Variants in CDH13 observed in about 807,000 individuals in gnomAD.
CDH13 encodes cadherin 13.
In CDH13, 24 loss-of-function variants were observed where a neutral mutation model predicts 63.8. The observed-to-expected ratio is 0.38, with a 90% CI of 0.27 to 0.53. The LOEUF is 0.53. Among genes scored for constraint, CDH13 ranks in the 20% least tolerant of loss-of-function variants. CDH13 has a pLI of 0.85. For missense variants in CDH13, 1,049 were observed against 903.1 expected (o/e 1.16, Z -2.07); for synonymous variants, 503 against 355.3 (o/e 1.42, Z -4.67).
At chr16:82,870,954 T>A (rs1317592244) in intron 2 of CDH13, among the ~76,000 whole-genome samples, 4 of 152,216 alleles carry the variant, frequency 2.6e-5, no homozygotes, top group Non-Finnish European at 4.4e-5. Flanking sequence ...GCTTCCTAGT[T>A]AACTCTGCCT....
intron 4 of CDH13, among the ~76,000 whole-genome samples, chr16:83,142,857 C>T (rs949070458): frequency 6.6e-6 from 1 of 152,142 alleles, no homozygotes; most frequent in African/African-American, 2.4e-5. Context: ...AATCCCAGCC[C>T]TTTGGGAGGC....
At chr16:83,512,489 T>A (rs1243369932) in intron 7 of CDH13, among the ~76,000 whole-genome samples, 1 of 150,580 alleles carries the variant, frequency 6.6e-6, no homozygotes, top group Non-Finnish European at 1.5e-5. Flanking sequence ...GCCAATATGA[T>A]GAAACCGATC....
intron 6 of CDH13, among the ~76,000 whole-genome samples, chr16:83,380,049 A>G (rs1232076675): frequency 6.6e-6 from 1 of 151,788 alleles, no homozygotes; most frequent in Non-Finnish European, 1.5e-5. Flanking sequence ...TATACATAAA[A>G]TATACCATAT....
intron 1 of CDH13, among the ~76,000 whole-genome samples, chr16:82,664,325 C>T (rs961373996): frequency 1.3e-5 from 2 of 152,340 alleles, no homozygotes; most frequent in South Asian, 4.1e-4. Context: ...TCTTGTCTCT[C>T]CAGGCTCCTG....
chr16:82,928,489 A>G (rs969788462), intron 2 of CDH13, among the ~76,000 whole-genome samples: 1 of 152,226 alleles, frequency 6.6e-6, no homozygotes, highest in Non-Finnish European at 1.5e-5. Flanking sequence ...GTTCTATTCA[A>G]TTCCACACAC....
chr16:83,124,935 T>A (rs1276341352), intron 3 of CDH13, among the ~76,000 whole-genome samples: 2 of 152,234 alleles, frequency 1.3e-5, no homozygotes, highest in African/African-American at 4.8e-5. Context: ...GTAGTATAAT[T>A]TGAAGTCAGG....
chr16:82,876,582 C>T (rs1197172049), intron 2 of CDH13, among the ~76,000 whole-genome samples: 1 of 152,190 alleles, frequency 6.6e-6, no homozygotes, highest in Non-Finnish European at 1.5e-5. Context: ...AACTTCTGTA[C>T]TCGTCATGGG....
chr16:82,713,639 T>C (rs1291288447), intron 1 of CDH13, among the ~76,000 whole-genome samples: 1 of 152,046 alleles, frequency 6.6e-6, no homozygotes, highest in East Asian at 1.9e-4. Context: ...TATTGTCTTA[T>C]TTGCTCTAAG....
intron 7 of CDH13, among the ~76,000 whole-genome samples, chr16:83,591,818 C>T (rs1013941127): frequency 1.1e-4 from 17 of 152,212 alleles, no homozygotes; most frequent in Non-Finnish European, 1.9e-4. Flanking sequence ...AGGTCGAGAG[C>T]GTACTTTTTC....
intron 10 of CDH13, among the ~76,000 whole-genome samples, chr16:83,725,276 C>G (rs886283221): frequency 6.6e-6 from 1 of 152,198 alleles, no homozygotes; most frequent in Admixed American, 6.5e-5. Flanking sequence ...GATCCGTTCA[C>G]TCAACACACA....
chr16:82,654,375 A>G (rs992659286), intron 1 of CDH13, among the ~76,000 whole-genome samples: 1 of 152,138 alleles, frequency 6.6e-6, no homozygotes, highest in Non-Finnish European at 1.5e-5. Flanking sequence ...TTTCCCCTTG[A>G]GTTGTTTTGA....
chr16:82,838,718 C>G (rs34264140), intron 1 of CDH13, among the ~76,000 whole-genome samples: 13,729 of 152,128 alleles, frequency 0.09, 2,257 homozygotes, highest in East Asian at 0.76. Flanking sequence ...CTATTTTCAC[C>G]TTTTTTGGCC....
intron 4 of CDH13, among the ~76,000 whole-genome samples, chr16:83,188,941 G>A (rs566818606): frequency 2.0e-5 from 3 of 152,174 alleles, no homozygotes; most frequent in South Asian, 2.1e-4. Flanking sequence ...GACCCTTCAG[G>A]AAGCCTCTGT....
chr16:82,917,270 T>A (rs1216943240), intron 2 of CDH13, among the ~76,000 whole-genome samples: 1 of 152,178 alleles, frequency 6.6e-6, no homozygotes, highest in Non-Finnish European at 1.5e-5. Context: ...CTGATCTCCA[T>A]TGGGTGGGTC....
At chr16:83,457,783 G>C (rs2073064048) in intron 6 of CDH13, among the ~76,000 whole-genome samples, 1 of 152,142 alleles carries the variant, frequency 6.6e-6, no homozygotes, top group Non-Finnish European at 1.5e-5. Context: ...CCGCATCCAA[G>C]ATCCCTGAGG....
chr16:83,450,451 T>C (rs759761030), intron 6 of CDH13, among the ~76,000 whole-genome samples: 22 of 152,220 alleles, frequency 1.4e-4, no homozygotes, highest in Admixed American at 2.6e-4. Context: ...CATGAGGATC[T>C]ATGTAAAGGG....
At chr16:83,554,779 C>G (rs928587948) in intron 7 of CDH13, among the ~76,000 whole-genome samples, 7 of 152,140 alleles carry the variant, frequency 4.6e-5, no homozygotes, top group Non-Finnish European at 7.4e-5. Flanking sequence ...TCTTTGTAGC[C>G]AGCAATAACT....
intron 6 of CDH13, among the ~76,000 whole-genome samples, chr16:83,360,847 G>C (rs770046593): frequency 6.6e-6 from 1 of 152,124 alleles, no homozygotes; most frequent in African/African-American, 2.4e-5. Flanking sequence ...TCTTTATCCA[G>C]TTCACCATTC....
At chr16:83,050,665 T>C (rs796982237) in intron 3 of CDH13, among the ~76,000 whole-genome samples, 8 of 152,218 alleles carry the variant, frequency 5.3e-5, no homozygotes, top group African/African-American at 1.7e-4. Context: ...ATTTATAGCT[T>C]CATTTCTGAC....
Sources: allele counts gnomAD v4.1 joint callset (sites outside exome capture counted in the v4.1 genomes callset), GRCh38; gene constraint gnomAD v4.1.1; transcripts MANE v1.5; gene names NCBI Gene and HGNC (gene_info 2026-07-23, HGNC 2026-07-21).